The following NEK6 variants were observed in gnomAD, a reference collection of about 807,000 sequenced individuals.
NEK6 encodes NIMA related kinase 6, also known as serine/threonine-protein kinase Nek6.
Under a neutral mutation model 43.5 loss-of-function variants are expected in NEK6, and 27 were observed. The ratio of observed to expected loss-of-function variants is 0.62; its 90% confidence interval spans 0.46 to 0.86. The LOEUF is 0.86. Ranked by LOEUF, NEK6 falls within the 40% of genes least tolerant of loss-of-function variation. The pLI, the probability that NEK6 is intolerant of heterozygous loss-of-function variation, is 0.00. For synonymous variants in NEK6, 167 were observed against 164.1 expected, an observed-to-expected ratio of 1.02 and a Z score of -0.14; for missense variants, 318 against 414.4, an observed-to-expected ratio of 0.77 and a Z score of 2.02.
intron 1 of NEK6, among the ~76,000 whole-genome samples, chr9:124,293,700 CT>C (rs1195396274): frequency 3.9e-5 from 6 of 152,198 alleles, no homozygotes; most frequent in Non-Finnish European, 2.9e-5. Context: ...GAAGAGCCCC[CT>C]CCACCTACTA....
intron 1 of NEK6, among the ~76,000 whole-genome samples, chr9:124,295,780 C>T (rs1832658870): frequency 6.6e-6 from 1 of 152,200 alleles, no homozygotes; most frequent in Admixed American, 6.5e-5. Flanking sequence ...CTGGGCGTGG[C>T]ATTCCTTACA....
intron 6 of NEK6, 114 bp from the exon 7 acceptor site, chr9:124,327,224 C>A (rs1187457695): frequency 2.4e-5 from 20 of 820,848 alleles, no homozygotes; most frequent in Non-Finnish European, 3.7e-5. Flanking sequence ...CAGGGCCTTG[C>A]CCTGAGGGAG....
intron 1 of NEK6, chr9:124,291,838 A>C (rs1002985830): frequency 2.0e-6 from 2 of 985,434 alleles, no homozygotes; most frequent in African/African-American, 3.5e-5. Context: ...GACAAGTTCC[A>C]TTCACTTTGG....
chr9:124,300,308 G>A (rs1485625231), intron 1 of NEK6, among the ~76,000 whole-genome samples: 1 of 152,200 alleles, frequency 6.6e-6, no homozygotes, highest in Non-Finnish European at 1.5e-5. Context: ...GAGACACAGT[G>A]GCCGGACCTC....
In NEK6 at chr9:124,312,516, C is replaced by G. The variant is rs1833586774; in HGVS notation, c.98C>G (p.Pro33Arg). 6.2e-7 allele frequency: 1 copy of G among 1,613,698 alleles called. No homozygotes were observed. Reference sequence around the variant, plus strand: ...CTCTGTCCCCCGTTCCAGAGGCATCCCAACACGCTGTCTTTTCGCTGCTCG... The same window carrying G: ...CTCTGTCCCCCGTTCCAGAGGCATCGCAACACGCTGTCTTTTCGCTGCTCG... ...PVHPPDPQRH[P>R]NTLSFRCSLA... Residue 33 changes from proline to arginine, a missense_variant, in exon 3 of 10, where the codon CCC becomes CGC. Around this residue, in one of 2 missense-constraint regions of NEK6, gnomAD observed 239 missense variants for 344.4 expected, o/e 0.69. Coordinates refer to ENST00000320246, the MANE Select transcript of NEK6 (RefSeq NM_014397.6).
At chr9:124,273,111 C>T (rs1312141190) in intron 1 of NEK6, among the ~76,000 whole-genome samples, 3 of 152,092 alleles carry the variant, frequency 2.0e-5, no homozygotes, top group Admixed American at 6.5e-5. Flanking sequence ...GCCAGGATTG[C>T]GTTGACTCCT....
At chr9:124,292,510 G>A in intron 1 of NEK6, 4 of 1,537,074 alleles carry the variant, frequency 2.6e-6, no homozygotes, top group Non-Finnish European at 3.5e-6. Flanking sequence ...GCCACTGGAT[G>A]GGATTCTAGA....
At chr9:124,292,757 G>A in intron 1 of NEK6, 1 of 1,238,180 alleles carries the variant, frequency 8.1e-7, no homozygotes, top group South Asian at 1.6e-5. Flanking sequence ...TACTGAGTCA[G>A]CAACCAGTTA....
At chr9:124,293,010 C>G in intron 1 of NEK6, 1 of 1,556,074 alleles carries the variant, frequency 6.4e-7, no homozygotes, top group East Asian at 2.4e-5. Context: ...GCCAAGGCCT[C>G]GAGGTGAGAG....
chr9:124,316,994 A>G (rs1833847176), intron 4 of NEK6, among the ~76,000 whole-genome samples: 1 of 152,224 alleles, frequency 6.6e-6, no homozygotes, highest in African/African-American at 2.4e-5. Context: ...TCCTGGTGAC[A>G]TAATGAGGTG....
intron 1 of NEK6, among the ~76,000 whole-genome samples, chr9:124,276,035 A>T (rs777331645): frequency 6.6e-6 from 1 of 152,086 alleles, no homozygotes; most frequent in African/African-American, 2.4e-5. Flanking sequence ...CCCCTGAAGC[A>T]GAGTGTGGCC....
chr9:124,279,530 T>C (rs1049471822), intron 1 of NEK6, among the ~76,000 whole-genome samples: 2 of 152,182 alleles, frequency 1.3e-5, no homozygotes, highest in African/African-American at 4.8e-5. Context: ...CTCGAACTCC[T>C]GACCTCAAGT....
intron 1 of NEK6, among the ~76,000 whole-genome samples, chr9:124,282,959 C>A (rs1052729100): frequency 6.6e-6 from 1 of 152,212 alleles, no homozygotes; most frequent in Non-Finnish European, 1.5e-5. Context: ...CAGCCTCCCC[C>A]GCTTTGTGGA....
intron 8 of NEK6, among the ~76,000 whole-genome samples, chr9:124,345,297 C>T (rs1414768439): frequency 6.6e-6 from 1 of 152,218 alleles, no homozygotes; most frequent in Non-Finnish European, 1.5e-5. Context: ...GTAATCCGCG[C>T]AGCCCAGAGC....
At chr9:124,276,359 G>A (rs1272501350) in intron 1 of NEK6, among the ~76,000 whole-genome samples, 1 of 152,176 alleles carries the variant, frequency 6.6e-6, no homozygotes, top group East Asian at 1.9e-4. Context: ...GGAGGGCAAT[G>A]TGCTTTTTGC....
chr9:124,329,846 G>T (rs1260395491), intron 7 of NEK6, among the ~76,000 whole-genome samples: 1 of 152,254 alleles, frequency 6.6e-6, no homozygotes, highest in Non-Finnish European at 1.5e-5. Context: ...GCAAGAGATT[G>T]AACTAATTAC....
intron 1 of NEK6, among the ~76,000 whole-genome samples, chr9:124,269,666 A>G (rs1020777376): frequency 3.9e-5 from 6 of 152,088 alleles, no homozygotes; most frequent in Non-Finnish European, 8.8e-5. Context: ...AAAATGTCGG[A>G]TGGGATTGGA....
In NEK6 at chr9:124,275,419, A is replaced by G. The variant is rs1831612779; in HGVS notation, c.-30+17334A>G. On this transcript the variant is annotated intron_variant, in intron 1 of 9. Transcript: ENST00000320246. The surrounding 1 kb of genome is among the most constrained non-coding windows in gnomAD (Gnocchi z 4.4). ...GTCATGGAGCCCAGAACCCATGGGT[A>G]ACGGGGTCAGCATTCAGAAGTGTCA... Among the ~76,000 whole-genome samples the G allele has an allele frequency of 6.6e-6, 1 of 152,180 alleles. No individual in the cohort carries two copies. Among genetic ancestry groups the G allele is most frequent in the Non-Finnish European group, 1.5e-5 (1 of 68,024 alleles).
chr9:124,307,571 G>T (rs929847160), intron 2 of NEK6, among the ~76,000 whole-genome samples: 1 of 152,142 alleles, frequency 6.6e-6, no homozygotes, highest in Admixed American at 6.5e-5. Flanking sequence ...TGGTGACACC[G>T]CAGGGTCAGC....
Sources: allele counts gnomAD v4.1 joint callset (sites outside exome capture counted in the v4.1 genomes callset), GRCh38; gene constraint gnomAD v4.1.1; regional missense constraint gnomAD v4.1.1; non-coding constraint Gnocchi (gnomAD v3.1); transcripts MANE v1.5; gene names NCBI Gene and HGNC (gene_info 2026-07-23, HGNC 2026-07-21).